The following ZNF75D variants were observed in gnomAD, a reference collection of about 807,000 sequenced individuals.
The protein encoded by ZNF75D is zinc finger protein 75.
A neutral mutation model predicts 33.3 loss-of-function variants in ZNF75D; 33 were observed. The ratio of observed to expected loss-of-function variants is 0.99; its 90% CI spans 0.75 to 1.32. The LOEUF is 1.32. Among genes scored for constraint, ZNF75D ranks in the 40% most tolerant of loss-of-function variants. The pLI is 0.00. For missense variants in ZNF75D, 338 were observed against 367.5 expected, an observed-to-expected ratio of 0.92 and a Z score of 0.66; for synonymous variants, 113 against 130.6, an observed-to-expected ratio of 0.87 and a Z score of 0.92.
At chrX:135,270,150 A>G (rs1429739785) in intron 1 of ZNF75D, among the ~76,000 whole-genome samples, 1 of 109,127 alleles carries the variant, frequency 9.2e-6, no homozygotes, top group East Asian at 2.8e-4. Context: ...GGTACAAAAA[A>G]AAATAGAAAG....
At chrX:135,292,185 G>C (rs1473518676) in intron 4 of ZNF75D, 96 bp downstream of exon 4, 1 of 880,114 alleles carries the variant, frequency 1.1e-6, no homozygotes, top group East Asian at 3.1e-5. Context: ...ATAGCTGCTA[G>C]CATGGCTGGC....
At chrX:135,325,611 G>A (rs1336145534) in intron 1 of ZNF75D, among the ~76,000 whole-genome samples, 3 of 112,693 alleles carry the variant, frequency 2.7e-5, no homozygotes, top group Non-Finnish European at 5.6e-5. Context: ...AGCGGCTGTG[G>A]AGGGTGTACT....
In ZNF75D at chrX:135,303,779, T is replaced by A. The variant is rs782014235; in HGVS notation, c.-390-7740A>T. ...GATGCCCACCAGCAACAGTTAGGTG[T>A]GTAGACTCAGGGATATACAAGTATA... On this transcript the variant is annotated intron_variant, in intron 1 of 6. Coordinates refer to ENST00000370766, the MANE Select transcript of ZNF75D (RefSeq NM_007131.5). 2.7e-5 allele frequency among the ~76,000 whole-genome samples: 3 copies of A among 112,684 alleles called. No homozygotes were observed. In the East Asian group the frequency reaches 8.4e-4, roughly 32 times the overall value.
chrX:135,266,443 C>T (rs897505414), intron 1 of ZNF75D, among the ~76,000 whole-genome samples: 10 of 111,389 alleles, frequency 9.0e-5, no homozygotes, highest in Non-Finnish European at 1.5e-4. Context: ...AGATATTCCA[C>T]GCCAGTTGAA....
chrX:135,265,707 C>T (rs961964712), intron 1 of ZNF75D, among the ~76,000 whole-genome samples: 1 of 112,015 alleles, frequency 8.9e-6, no homozygotes, highest in Non-Finnish European at 1.9e-5. Flanking sequence ...ACAGGAAATA[C>T]TAAACAGAGT....
rs782495890 is a variant in ZNF75D, at chrX:135,260,414, C to A, written n.828-4637G>T. Among the ~76,000 whole-genome samples the A allele has an allele frequency of 5.1e-5, 5 of 98,098 alleles. No homozygotes were observed. The East Asian group carries it at 1.4e-3, about 28-fold the overall frequency. The allele number at this position is 98,098 out of a possible 115,157, so 85.2% of individuals were successfully genotyped here. ...CTCTGGTAGAATTCGGCTGTGAATC[C>A]GTCTGGTCCTGGCCTTTTTTTGGTT... On this transcript the variant is annotated intron_variant and non_coding_transcript_variant, in intron 1 of 3. Transcript: ENST00000494295.
At chrX:135,288,732 A>T (rs7885102) in intron 6 of ZNF75D, among the ~76,000 whole-genome samples, 39,927 of 111,160 alleles carry the variant, frequency 0.36, 5,534 homozygotes, top group East Asian at 0.9. Flanking sequence ...AATAATTGAC[A>T]TTTCTAATAT....
chrX:135,340,714 C>T (rs1435763374), intron 1 of ZNF75D, among the ~76,000 whole-genome samples: 2 of 111,779 alleles, frequency 1.8e-5, no homozygotes, highest in African/African-American at 6.5e-5. Flanking sequence ...GCCCATGAAA[C>T]GTTAAAGTGG....
At chrX:135,256,981 C>G (rs1172544005) in intron 1 of ZNF75D, among the ~76,000 whole-genome samples, 1 of 111,061 alleles carries the variant, frequency 9.0e-6, no homozygotes, top group Non-Finnish European at 1.9e-5. Flanking sequence ...CCTGGCAGGA[C>G]CTATCACCTG....
chrX:135,278,964 T>G (rs1456926352), intron 1 of ZNF75D, among the ~76,000 whole-genome samples: 2 of 111,730 alleles, frequency 1.8e-5, no homozygotes, highest in Non-Finnish European at 3.8e-5. Flanking sequence ...TGTGTGTGTG[T>G]GTGTCTCAGG....
At chrX:135,335,563 G>A (rs1179571189) in intron 1 of ZNF75D, among the ~76,000 whole-genome samples, 1 of 111,913 alleles carries the variant, frequency 8.9e-6, no homozygotes, top group Non-Finnish European at 1.9e-5. Flanking sequence ...TACTCTCCTT[G>A]GCAGGATGAG....
At chrX:135,309,449 T>C (rs1417319956) in intron 1 of ZNF75D, 11 of 294,733 alleles carry the variant, frequency 3.7e-5, no homozygotes, top group Non-Finnish European at 5.3e-5. Context: ...GGTTGTGCTG[T>C]TTTACTGAGG....
intron 1 of ZNF75D, among the ~76,000 whole-genome samples, chrX:135,336,315 T>A (rs2084711243): frequency 8.9e-6 from 1 of 112,805 alleles, no homozygotes; most frequent in Non-Finnish European, 1.9e-5. Flanking sequence ...GCAATAAATT[T>A]CTGCTATTTA....
chrX:135,285,351 T>C (rs1278153601), downstream of ZNF75D, among the ~76,000 whole-genome samples: 2 of 111,941 alleles, frequency 1.8e-5, no homozygotes, highest in African/African-American at 6.5e-5. Flanking sequence ...TCATGAGCAG[T>C]ATAGCTAGCT....
intron 1 of ZNF75D, among the ~76,000 whole-genome samples, chrX:135,324,025 G>A (rs868984144): frequency 1.2e-4 from 12 of 98,535 alleles, no homozygotes; most frequent in East Asian, 3.1e-4. Flanking sequence ...ACACACACAC[G>A]CACACCCAAA....
chrX:135,308,957 G>A (rs1051143292), intron 1 of ZNF75D, among the ~76,000 whole-genome samples: 7 of 111,972 alleles, frequency 6.3e-5, no homozygotes, highest in Non-Finnish European at 1.3e-4. Flanking sequence ...CCTGTAGGTT[G>A]TAGAATGAAG....
chrX:135,265,219 C>CA lies in ZNF75D; in HGVS notation n.828-9443dup, dbSNP rs559739170. On this transcript the variant is annotated intron_variant and non_coding_transcript_variant, in intron 1 of 3. Coordinates refer to the ZNF75D transcript ENST00000494295. ...GGGCAACAAGAGTGAAACTCTGTCT[C>CA]AAAAAAAAAAAAAAAGAGTTATTGG... 7.5e-3 allele frequency among the ~76,000 whole-genome samples: 364 copies of CA among 48,500 alleles called. 1 individual carries two copies. The highest frequency in any genetic ancestry group is 0.07 in the South Asian group (81 of 1,161). The allele number at this position is 48,500 out of a possible 115,157, so 42.1% of individuals were successfully genotyped here.
intron 1 of ZNF75D, among the ~76,000 whole-genome samples, chrX:135,257,070 G>T (rs782677003): frequency 8.9e-6 from 1 of 111,933 alleles, no homozygotes; most frequent in Non-Finnish European, 1.9e-5. Context: ...GCTCTGAGGC[G>T]TGCTGACTTC....
intron 1 of ZNF75D, among the ~76,000 whole-genome samples, chrX:135,279,285 T>G (rs1309095201): frequency 8.9e-6 from 1 of 112,206 alleles, no homozygotes; most frequent in Non-Finnish European, 1.9e-5. Flanking sequence ...TAGAGGTATT[T>G]ATAGTATTCT....
Sources: gnomAD v4.1 joint callset for allele counts (sites outside exome capture counted in the v4.1 genomes callset) on GRCh38, gnomAD v4.1.1 for gene constraint, MANE v1.5 for transcripts, NCBI Gene and HGNC (gene_info 2026-07-23, HGNC 2026-07-21) for gene names.